The following PKNOX2 variants were observed in gnomAD, a reference collection of about 807,000 sequenced individuals.
The protein encoded by PKNOX2 is homeobox protein PKNOX2.
In PKNOX2, 14 loss-of-function variants were observed where a neutral mutation model predicts 53.1. The observed-to-expected ratio is 0.26, with a 90% CI of 0.17 to 0.41. The LOEUF (loss-of-function observed/expected upper bound fraction) is 0.41, where lower values mean the gene tolerates loss of function less well. PKNOX2 is among the 10% of genes least tolerant of loss of function. The probability of loss-of-function intolerance (pLI) is 1.00; values close to 1 mark genes in which losing one functional copy is unlikely to be tolerated. For missense variants in PKNOX2, 496 were observed against 602.8 expected (o/e 0.82, Z 1.85); for synonymous variants, 257 against 242.8 (o/e 1.06, Z -0.54).
intron 1 of PKNOX2, among the ~76,000 whole-genome samples, chr11:125,183,881 G>C (rs1238926918): frequency 6.6e-6 from 1 of 152,180 alleles, no homozygotes; most frequent in Admixed American, 6.5e-5. Flanking sequence ...TACACCCAGA[G>C]TGGAGAACAT....
chr11:125,356,545 C>CCT (rs1951627742), intron 4 of PKNOX2, among the ~76,000 whole-genome samples: 1 of 152,222 alleles, frequency 6.6e-6, no homozygotes, highest in Non-Finnish European at 1.5e-5. Context: ...CCTCCAGCAT[C>CCT]CCTCAGAGTG....
At chr11:125,312,951 G>A (rs764906121) in intron 2 of PKNOX2, among the ~76,000 whole-genome samples, 23 of 151,860 alleles carry the variant, frequency 1.5e-4, no homozygotes, top group Non-Finnish European at 2.6e-4. Context: ...GAGGCATAAG[G>A]AAGGCCTTCG....
chr11:125,376,193 G>C (rs991597024), intron 5 of PKNOX2, among the ~76,000 whole-genome samples: 5 of 152,226 alleles, frequency 3.3e-5, no homozygotes. Context: ...CCCACCTGGG[G>C]GAGGAGAGCT....
At chr11:125,167,204 C>CG (rs976005973) in intron 1 of PKNOX2, among the ~76,000 whole-genome samples, 1,410 of 30,350 alleles carry the variant, frequency 0.046, 20 homozygotes, top group African/African-American at 0.14. Context: ...GGGGTGGGAG[C>CG]GGGGGGGAGG....
intron 2 of PKNOX2, among the ~76,000 whole-genome samples, chr11:125,236,570 C>T (rs904205842): frequency 6.6e-6 from 1 of 152,212 alleles, no homozygotes; most frequent in Admixed American, 6.5e-5. Flanking sequence ...TCCCTGAGGG[C>T]AGCCGGGCAC....
chr11:125,202,498 A>G (rs1938564584), intron 1 of PKNOX2, among the ~76,000 whole-genome samples: 1 of 152,160 alleles, frequency 6.6e-6, no homozygotes, highest in African/African-American at 2.4e-5. Context: ...TCTGTCCCCA[A>G]AGAGGTCTGG....
At chr11:125,235,479 A>G (rs191300878) in intron 2 of PKNOX2, among the ~76,000 whole-genome samples, 1 of 152,358 alleles carries the variant, frequency 6.6e-6, no homozygotes, top group African/African-American at 2.4e-5. Context: ...AAGTGGCAAC[A>G]TCAGTCCTCA....
At chr11:125,303,024 C>G (rs922042816) in intron 2 of PKNOX2, among the ~76,000 whole-genome samples, 3 of 151,990 alleles carry the variant, frequency 2.0e-5, no homozygotes, top group African/African-American at 7.3e-5. Flanking sequence ...AGGCCAGAAG[C>G]CACAGTGCCT....
chr11:125,172,195 T>G (rs1322115445), intron 1 of PKNOX2, among the ~76,000 whole-genome samples: 1 of 152,184 alleles, frequency 6.6e-6, no homozygotes, highest in Non-Finnish European at 1.5e-5. Context: ...CTATCCCAGG[T>G]GGCCAGAAGT....
At chr11:125,411,695 C>T (rs566128397) in intron 9 of PKNOX2, 51 bp from the exon 10 acceptor site, 36 of 1,612,936 alleles carry the variant, frequency 2.2e-5, no homozygotes, top group African/African-American at 1.1e-4. Flanking sequence ...GGTCCCCAGC[C>T]GCTGCCCTCA....
intron 2 of PKNOX2, among the ~76,000 whole-genome samples, chr11:125,265,851 G>A (rs564769072): frequency 1.4e-4 from 22 of 152,142 alleles, no homozygotes; most frequent in African/African-American, 4.3e-4. Context: ...AGGAATAGGC[G>A]TTCCTCTCCT....
At chr11:125,372,129 G>A (rs909601490) in intron 5 of PKNOX2, among the ~76,000 whole-genome samples, 4 of 152,138 alleles carry the variant, frequency 2.6e-5, no homozygotes, top group African/African-American at 7.2e-5. Context: ...TAAATGGTTA[G>A]GGAGCACCCC....
chr11:125,418,205 C>G (rs1955991098), intron 10 of PKNOX2, among the ~76,000 whole-genome samples: 1 of 152,036 alleles, frequency 6.6e-6, no homozygotes, highest in Non-Finnish European at 1.5e-5. Flanking sequence ...TTTGCCTATT[C>G]TGGACATTTC....
At chr11:125,419,002 G>A (rs536566004) in intron 10 of PKNOX2, among the ~76,000 whole-genome samples, 1 of 151,950 alleles carries the variant, frequency 6.6e-6, no homozygotes, top group Non-Finnish European at 1.5e-5. Flanking sequence ...GGTCCCCCAC[G>A]GACACTGGAG....
At chr11:125,311,518 G>C (rs903167338) in intron 2 of PKNOX2, among the ~76,000 whole-genome samples, 18 of 152,314 alleles carry the variant, frequency 1.2e-4, no homozygotes, top group Middle Eastern at 3.4e-3. Flanking sequence ...CCCAGAAGGA[G>C]AGCCCATGTC....
In PKNOX2 at chr11:125,431,293, G is replaced by A; in HGVS notation, c.1320G>A (p.Met440Ile). 6.2e-7 allele frequency: 1 copy of A among 1,611,796 alleles called. No homozygotes were observed. Among genetic ancestry groups the A allele is most frequent in the East Asian group, 2.2e-5 (1 of 44,804 alleles). The change falls in exon 13 of 13, where the codon ATG (methionine) becomes ATA (isoleucine). Residue 440 changes from methionine to isoleucine, a missense_variant. By Grantham distance (10) the Met-to-Ile change is conservative. Transcript: ENST00000298282. ...CAGAAGAAGAGGATGAGGATGAGAT[G>A]GAAGAGGAGGAGGAGGAGGAGCTGG... ...DGTEEEDEDEMEEEEEEELEE... is the reference protein window; with the variant it reads ...DGTEEEDEDEIEEEEEEELEE...
chr11:125,241,157 T>A (rs1943113877), intron 2 of PKNOX2, among the ~76,000 whole-genome samples: 1 of 152,140 alleles, frequency 6.6e-6, no homozygotes, highest in Non-Finnish European at 1.5e-5. Flanking sequence ...CTTTCCTAAC[T>A]TCATCTCTCA....
chr11:125,327,275 C>T lies in PKNOX2; in HGVS notation c.-129-4544C>T, dbSNP rs186332568. Among the ~76,000 whole-genome samples, 443 of 152,310 alleles carry T rather than the reference C, an allele frequency of 2.9e-3. 1 individual carries two copies. Among genetic ancestry groups the T allele is most frequent in the Non-Finnish European group, 5.0e-3 (341 of 68,026 alleles). ...GGGGAAGCCAGCCCATGTCCATAGA[C>T]GGGTCCAGTAGAATGAACTTGGATA... On this transcript the variant is annotated intron_variant, in intron 2 of 12. Transcript: ENST00000298282.
chr11:125,351,297 A>C lies in PKNOX2; in HGVS notation c.-9A>C, dbSNP rs749709805. On this transcript the variant is annotated 5_prime_UTR_variant, in exon 4 of 13. Coordinates refer to ENST00000298282, the MANE Select transcript of PKNOX2 (RefSeq NM_001382323.2). ...TCCTGCCCACAGGTCCTCCATGTGA[A>C]TCAATCCCATGATGCAACATGCCTC... 1 of 1,584,158 alleles carries C rather than the reference A, an allele frequency of 6.3e-7. No homozygotes were observed.
Sources: gnomAD v4.1 joint callset for allele counts (sites outside exome capture counted in the v4.1 genomes callset) on GRCh38, gnomAD v4.1.1 for gene constraint, MANE v1.5 for transcripts, NCBI Gene and HGNC (gene_info 2026-07-23, HGNC 2026-07-21) for gene names.